Variants in MECOM observed in about 807,000 individuals in gnomAD.
The protein encoded by MECOM is MDS1 and EVI1 complex locus, also known as histone-lysine N-methyltransferase MECOM.
In MECOM, 13 loss-of-function variants were observed where a neutral mutation model predicts 116.3. That is an observed-to-expected ratio of 0.11 (90% CI 0.07 to 0.18). The LOEUF is 0.18. MECOM is among the 10% of genes least tolerant of loss of function. MECOM has a pLI of 1.00. For synonymous variants in MECOM, 528 were observed against 535.2 expected (o/e 0.99, Z 0.19); for missense variants, 1,299 against 1,509.0 (o/e 0.86, Z 2.31).
chr3:169,474,723 T>C lies in MECOM; in HGVS notation c.38-93199A>G, dbSNP rs542035609. Among the ~76,000 whole-genome samples the C allele has an allele frequency of 1.5e-3, 229 of 152,262 alleles. 2 individuals are homozygous for C. Among genetic ancestry groups the C allele is most frequent in the African/African-American group, 5.3e-3 (222 of 41,552 alleles). On this transcript the variant is annotated intron_variant, in intron 1 of 16. Transcript: ENST00000651503. ...AGATACAAAAACTCTGAGTTTTTTA[T>C]GCTCTCTGAAACCTATGTCATCAAT...
At chr3:169,655,042 A>G (rs1459301166) in intron 1 of MECOM, among the ~76,000 whole-genome samples, 4 of 152,198 alleles carry the variant, frequency 2.6e-5, no homozygotes, top group Non-Finnish European at 5.9e-5. Context: ...AATTGAATCA[A>G]CATTTCATAA....
intron 2 of MECOM, among the ~76,000 whole-genome samples, chr3:169,292,238 G>T (rs1259067413): frequency 6.6e-6 from 1 of 152,054 alleles, no homozygotes; most frequent in African/African-American, 2.4e-5. Flanking sequence ...AGCTACTCGG[G>T]CCAGAGAATC....
intron 2 of MECOM, among the ~76,000 whole-genome samples, chr3:169,255,282 T>C (rs1756732081): frequency 6.6e-6 from 1 of 152,166 alleles, no homozygotes; most frequent in Non-Finnish European, 1.5e-5. Context: ...GTATCCATTT[T>C]ATAAATCAGG....
chr3:169,350,760 C>G (rs1184264635), intron 2 of MECOM, among the ~76,000 whole-genome samples: 1 of 151,546 alleles, frequency 6.6e-6, no homozygotes, highest in African/African-American at 2.4e-5. Flanking sequence ...ATATCTCTAT[C>G]GGATGGTAAA....
At chr3:169,191,010 G>C (rs1747454716) in intron 2 of MECOM, among the ~76,000 whole-genome samples, 1 of 151,974 alleles carries the variant, frequency 6.6e-6, no homozygotes, top group African/African-American at 2.4e-5. Context: ...TTGGTGCACT[G>C]TTTCAGATAC....
At chr3:169,463,487 A>G (rs570998079) in intron 1 of MECOM, among the ~76,000 whole-genome samples, 9 of 152,186 alleles carry the variant, frequency 5.9e-5, no homozygotes, top group Non-Finnish European at 1.3e-4. Flanking sequence ...ATCTCTACTT[A>G]AAGGATAAAA....
intron 4 of MECOM, among the ~76,000 whole-genome samples, chr3:169,129,065 T>G (rs1037984531): frequency 6.6e-6 from 1 of 152,042 alleles, no homozygotes; most frequent in Non-Finnish European, 1.5e-5. Context: ...TGACTGAATG[T>G]TTTGGGGGGA....
intron 1 of MECOM, among the ~76,000 whole-genome samples, chr3:169,398,744 C>T (rs1366678574): frequency 6.6e-6 from 1 of 152,168 alleles, no homozygotes; most frequent in East Asian, 1.9e-4. Flanking sequence ...AATACTCCTG[C>T]TCCTGTGAAC....
At chr3:169,218,410 C>T (rs1389760015) in intron 2 of MECOM, among the ~76,000 whole-genome samples, 3 of 152,148 alleles carry the variant, frequency 2.0e-5, no homozygotes, top group Non-Finnish European at 4.4e-5. Context: ...TGGAAAGTTA[C>T]TTCGGGCAAT....
At chr3:169,396,777 T>A (rs9879159) in intron 1 of MECOM, among the ~76,000 whole-genome samples, 1 of 152,008 alleles carries the variant, frequency 6.6e-6, no homozygotes, top group African/African-American at 2.4e-5. Flanking sequence ...TCGAGACCAG[T>A]GTGACAAACC....
chr3:169,257,623 C>A (rs1757008438), intron 2 of MECOM, among the ~76,000 whole-genome samples: 1 of 152,178 alleles, frequency 6.6e-6, no homozygotes, highest in Non-Finnish European at 1.5e-5. Flanking sequence ...ATTCTTCCTA[C>A]TTTGGGGCTA....
At chr3:169,304,677 C>T (rs1400248) in intron 2 of MECOM, among the ~76,000 whole-genome samples, 5,011 of 152,272 alleles carry the variant, frequency 0.033, 294 homozygotes, top group African/African-American at 0.11. Flanking sequence ...AAAATTCCGA[C>T]AACTTTGAAA....
chr3:169,184,962 T>C (rs1577284665), intron 2 of MECOM, among the ~76,000 whole-genome samples: 1 of 151,968 alleles, frequency 6.6e-6, no homozygotes. Context: ...AGAAAAGGAG[T>C]GCCAGAAGGG....
intron 1 of MECOM, among the ~76,000 whole-genome samples, chr3:169,566,641 G>A (rs1763278518): frequency 6.6e-6 from 1 of 152,152 alleles, no homozygotes; most frequent in African/African-American, 2.4e-5. Context: ...AGAGCCAGCT[G>A]CTAACCTGGA....
At chr3:169,345,633 C>G (rs1447729366) in intron 2 of MECOM, among the ~76,000 whole-genome samples, 3 of 152,054 alleles carry the variant, frequency 2.0e-5, no homozygotes, top group Non-Finnish European at 4.4e-5. Flanking sequence ...CTCCTGCACC[C>G]CTCATTACCA....
intron 1 of MECOM, among the ~76,000 whole-genome samples, chr3:169,624,905 A>G (rs1347933886): frequency 2.0e-5 from 3 of 152,090 alleles, no homozygotes; most frequent in African/African-American, 7.2e-5. Context: ...CCCCTCTGGG[A>G]AAACTGCCCT....
At chr3:169,378,515 AAAGAAAG>A (rs1348346701) in intron 2 of MECOM, among the ~76,000 whole-genome samples, 1 of 14,076 alleles carries the variant, frequency 7.1e-5, no homozygotes, top group Non-Finnish European at 1.3e-4. Flanking sequence ...GAAAGAAAGA[AAAGAAAG>A]AAAGAAAGAA....
At chr3:169,384,759 C>T (rs1733016661) in intron 1 of MECOM, among the ~76,000 whole-genome samples, 1 of 152,048 alleles carries the variant, frequency 6.6e-6, no homozygotes, top group South Asian at 2.1e-4. Context: ...CCCCTACTTC[C>T]TCAAAGTGTC....
At chr3:169,501,465 A>T (rs974637012) in intron 1 of MECOM, among the ~76,000 whole-genome samples, 3 of 152,010 alleles carry the variant, frequency 2.0e-5, no homozygotes, top group African/African-American at 7.2e-5. Flanking sequence ...ATCAATTAAA[A>T]ACAAACAAGA....
Sources: gnomAD v4.1 joint callset for allele counts (sites outside exome capture counted in the v4.1 genomes callset) on GRCh38, gnomAD v4.1.1 for gene constraint, MANE v1.5 for transcripts, NCBI Gene and HGNC (gene_info 2026-07-23, HGNC 2026-07-21) for gene names.